The following RABGAP1L variants were observed in gnomAD, a reference collection of about 807,000 sequenced individuals.
RABGAP1L encodes the protein RAB GTPase activating protein 1 like.
RABGAP1L carries 63 observed loss-of-function variants against 137.7 expected under a neutral mutation model. The ratio of observed to expected loss-of-function variants is 0.46; its 90% confidence interval spans 0.37 to 0.56. The LOEUF is 0.56. Among genes scored for constraint, RABGAP1L ranks in the 20% least tolerant of loss-of-function variants. The probability of loss-of-function intolerance (pLI) is 0.00; values close to 1 mark genes in which losing one functional copy is unlikely to be tolerated. For synonymous variants in RABGAP1L, 431 were observed against 433.7 expected (o/e 0.99, Z 0.08); for missense variants, 1,095 against 1,244.0 (o/e 0.88, Z 1.80).
chr1:174,315,716 G>T (rs572826069), intron 11 of RABGAP1L, among the ~76,000 whole-genome samples: 1 of 149,876 alleles, frequency 6.7e-6, no homozygotes, highest in Non-Finnish European at 1.5e-5. Context: ...ATTATCAAAT[G>T]CCTTGACATA....
Position 174,778,347 on chromosome 1 carries a change from A to G in RABGAP1L, c.2211+25993A>G, listed in dbSNP as rs572062308. 3.9e-5 allele frequency among the ~76,000 whole-genome samples: 6 copies of G among 152,356 alleles called. No individual in the cohort carries two copies. In the East Asian group the frequency reaches 1.2e-3, roughly 29 times the overall value. On this transcript the variant is annotated intron_variant, in intron 18 of 25. Transcript: ENST00000681986. ...ATGCTTTTATAGACATACAAAAGCT[A>G]AAAGAATTCATCACTAGGAGATCTG...
intron 3 of RABGAP1L, among the ~76,000 whole-genome samples, chr1:174,230,886 A>T (rs1670591169): frequency 6.6e-6 from 1 of 152,062 alleles, no homozygotes; most frequent in Non-Finnish European, 1.5e-5. Flanking sequence ...TGAAGAACTT[A>T]CAGCTAAGTA....
At chr1:174,457,175 T>G (rs986999815) in intron 13 of RABGAP1L, among the ~76,000 whole-genome samples, 2 of 152,208 alleles carry the variant, frequency 1.3e-5, no homozygotes, top group Non-Finnish European at 2.9e-5. Context: ...TATTTAGCCA[T>G]GTGTTTGGAT....
intron 19 of RABGAP1L, among the ~76,000 whole-genome samples, chr1:174,852,270 A>G (rs1241063940): frequency 6.6e-6 from 1 of 152,124 alleles, no homozygotes; most frequent in Non-Finnish European, 1.5e-5. Context: ...ATCACTTCAC[A>G]TTCTGAGTAG....
At chr1:174,588,384 C>T (rs568890300) in intron 13 of RABGAP1L, among the ~76,000 whole-genome samples, 2 of 152,056 alleles carry the variant, frequency 1.3e-5, no homozygotes, top group South Asian at 2.1e-4. Flanking sequence ...AGGCTAGTCT[C>T]GAACTCCTGA....
intron 18 of RABGAP1L, among the ~76,000 whole-genome samples, chr1:174,759,801 A>G (rs959405101): frequency 3.9e-5 from 6 of 152,056 alleles, no homozygotes; most frequent in African/African-American, 1.4e-4. Context: ...CAACAGCCAG[A>G]TCTCACGTGA....
At chr1:174,209,615 C>T (rs896796860) in intron 1 of RABGAP1L, among the ~76,000 whole-genome samples, 1 of 152,188 alleles carries the variant, frequency 6.6e-6, no homozygotes, top group African/African-American at 2.4e-5. Flanking sequence ...GGTTTTTAAA[C>T]TCCAGTCCCT....
At position 174,448,376 on chromosome 1, in the gene RABGAP1L, T is replaced by C. The variant is rs769314524; in HGVS notation, c.1710+54231T>C. Reference sequence around the variant, plus strand: ...TCAGACGATGGCATATGCTGATCTTTTCGTTGGAGTTAGCTGCTTGGTTCC... The same window carrying C: ...TCAGACGATGGCATATGCTGATCTTCTCGTTGGAGTTAGCTGCTTGGTTCC... On this transcript the variant is annotated intron_variant, in intron 13 of 25. Transcript: ENST00000681986. This position sits in a 1 kb window ranked among gnomAD's most constrained non-coding sequence, Gnocchi z 4.2. The C allele has an allele frequency of 6.2e-7, 1 of 1,613,910 alleles. No individual in the cohort carries two copies. Among genetic ancestry groups the C allele is most frequent in the Non-Finnish European group, 8.5e-7 (1 of 1,179,768 alleles).
At chr1:174,521,156 A>G (rs963017670) in intron 13 of RABGAP1L, among the ~76,000 whole-genome samples, 1 of 152,252 alleles carries the variant, frequency 6.6e-6, no homozygotes, top group Admixed American at 6.5e-5. Flanking sequence ...CCTTAATTAT[A>G]GGCTAAAGAA....
chr1:174,282,634 ATATTT>A (rs1365849590), intron 10 of RABGAP1L, among the ~76,000 whole-genome samples: 1 of 152,112 alleles, frequency 6.6e-6, no homozygotes, highest in Non-Finnish European at 1.5e-5. Flanking sequence ...AGTCATATTA[ATATTT>A]TATTTTATTG....
chr1:174,561,438 G>C (rs549197384), intron 13 of RABGAP1L, among the ~76,000 whole-genome samples: 143 of 152,270 alleles, frequency 9.4e-4, no homozygotes, highest in Non-Finnish European at 1.7e-3. Flanking sequence ...ACTGCCTAAA[G>C]TAATTTATAG....
At chr1:174,334,406 A>G (rs1330947718) in intron 11 of RABGAP1L, among the ~76,000 whole-genome samples, 2 of 152,188 alleles carry the variant, frequency 1.3e-5, no homozygotes, top group Non-Finnish European at 2.9e-5. Context: ...TCCTTTTGAA[A>G]TGTGTCAGAT....
At chr1:174,727,116 GATA>G (rs935828663) in intron 17 of RABGAP1L, among the ~76,000 whole-genome samples, 3 of 152,128 alleles carry the variant, frequency 2.0e-5, no homozygotes, top group African/African-American at 7.2e-5. Flanking sequence ...ATAAGAAGAA[GATA>G]ATAATATCAA....
chr1:174,213,629 C>T (rs1669068741), intron 1 of RABGAP1L, among the ~76,000 whole-genome samples: 1 of 152,116 alleles, frequency 6.6e-6, no homozygotes, highest in South Asian at 2.1e-4. Context: ...TCAAATTGAT[C>T]ACAATCAGTG....
intron 19 of RABGAP1L, among the ~76,000 whole-genome samples, chr1:174,853,344 A>T (rs1648709803): frequency 6.6e-6 from 1 of 152,142 alleles, no homozygotes; most frequent in South Asian, 2.1e-4. Flanking sequence ...ATTTTAAAAG[A>T]AATTGAAATC....
At chr1:174,949,002 C>T (rs976352833) in intron 19 of RABGAP1L, 1 of 149,956 alleles carries the variant, frequency 6.7e-6, no homozygotes, top group African/African-American at 2.5e-5. Flanking sequence ...ATAGTCCTTC[C>T]TGACTATTTT....
intron 12 of RABGAP1L, among the ~76,000 whole-genome samples, chr1:174,378,949 G>C (rs1270650802): frequency 7.7e-6 from 1 of 129,864 alleles, no homozygotes; most frequent in East Asian, 2.0e-4. Context: ...AATCCATCTT[G>C]AATTGATTTT....
intron 13 of RABGAP1L, among the ~76,000 whole-genome samples, chr1:174,567,695 A>G (rs1667677525): frequency 6.6e-6 from 1 of 152,210 alleles, no homozygotes; most frequent in South Asian, 2.1e-4. Flanking sequence ...TATCATTGTT[A>G]TTAGTTGATG....
chr1:174,456,466 A>G (rs980619508), intron 13 of RABGAP1L, among the ~76,000 whole-genome samples: 1 of 152,004 alleles, frequency 6.6e-6, no homozygotes, highest in Admixed American at 6.6e-5. Context: ...TAGATTTGCA[A>G]TGTTGTTGAG....
Sources: allele counts gnomAD v4.1 joint callset (sites outside exome capture counted in the v4.1 genomes callset), GRCh38; gene constraint gnomAD v4.1.1; non-coding constraint Gnocchi (gnomAD v3.1); transcripts MANE v1.5; gene names NCBI Gene and HGNC (gene_info 2026-07-23, HGNC 2026-07-21).